KLHL24: variants seen among roughly 807,000 people sequenced by gnomAD.
KLHL24 encodes kelch-like protein 24.
Under a neutral mutation model 53.4 loss-of-function variants are expected in KLHL24, and 29 were observed. The ratio of observed to expected loss-of-function variants is 0.54; its 90% CI spans 0.40 to 0.74. KLHL24 has a LOEUF of 0.74. Among genes scored for constraint, KLHL24 ranks in the 30% least tolerant of loss-of-function variants. KLHL24 has a pLI of 0.00. For synonymous variants in KLHL24, 222 were observed against 253.7 expected (o/e 0.88, Z 1.19); for missense variants, 504 against 744.0 (o/e 0.68, Z 3.75).
At chr3:183,661,718 C>G (rs1003076355) in intron 3 of KLHL24, among the ~76,000 whole-genome samples, 1 of 152,022 alleles carries the variant, frequency 6.6e-6, no homozygotes, top group African/African-American at 2.4e-5. Flanking sequence ...GCTAAGAAGT[C>G]TTGAAAAAGG....
intron 3 of KLHL24, among the ~76,000 whole-genome samples, chr3:183,657,536 C>T (rs1719084396): frequency 1.3e-5 from 2 of 152,136 alleles, no homozygotes; most frequent in Admixed American, 1.3e-4. Flanking sequence ...TATATTTTTC[C>T]TTAAGAAATG....
chr3:183,676,143 C>T (rs909812793), intron 7 of KLHL24, among the ~76,000 whole-genome samples: 13 of 152,176 alleles, frequency 8.5e-5, no homozygotes, highest in African/African-American at 2.9e-4. Flanking sequence ...CTACTAAATA[C>T]ATCTATGCAC....
rs1285761780 is a variant in KLHL24, at chr3:183,651,288, G to A, written c.920+12G>A. The A allele has an allele frequency of 6.3e-7, 1 of 1,594,792 alleles. No individual in the cohort carries two copies. The highest frequency in any genetic ancestry group is 1.1e-5 in the South Asian group (1 of 89,072). ...ACTAGGCCACGCAGGTGAGAAGACT[G>A]TTTTCAAATATAGTTAACAAAAGTT... On this transcript the variant is annotated intron_variant, in intron 3 of 7. Coordinates refer to ENST00000242810, the MANE Select transcript of KLHL24 (RefSeq NM_017644.3).
chr3:183,658,568 A>G (rs1471299011), intron 3 of KLHL24, among the ~76,000 whole-genome samples: 1 of 152,116 alleles, frequency 6.6e-6, no homozygotes, highest in African/African-American at 2.4e-5. Context: ...ATACACTGTT[A>G]ATTTATAGTT....
chr3:183,660,854 G>A (rs1576937664), intron 3 of KLHL24, among the ~76,000 whole-genome samples: 1 of 151,636 alleles, frequency 6.6e-6, no homozygotes, highest in East Asian at 2.0e-4. Flanking sequence ...TCAGGAGATC[G>A]AAACCACGTG....
intron 5 of KLHL24, among the ~76,000 whole-genome samples, chr3:183,667,584 AT>A (rs1720751342): frequency 6.6e-6 from 1 of 151,864 alleles, no homozygotes; most frequent in South Asian, 2.1e-4. Context: ...TCCCCAAACC[AT>A]CCCATCCCCG....
At chr3:183,678,160 T>C (rs1400644093) in intron 7 of KLHL24, among the ~76,000 whole-genome samples, 1 of 152,252 alleles carries the variant, frequency 6.6e-6, no homozygotes, top group African/African-American at 2.4e-5. Context: ...AACTGTGTTA[T>C]TGACAGAGAA....
intron 5 of KLHL24, among the ~76,000 whole-genome samples, chr3:183,670,285 A>G (rs931991030): frequency 3.3e-5 from 5 of 152,118 alleles, no homozygotes; most frequent in African/African-American, 7.2e-5. Flanking sequence ...AAAGAGAGAG[A>G]GAGAAACGTG....
At chr3:183,657,326 A>G (rs1188127946) in intron 3 of KLHL24, among the ~76,000 whole-genome samples, 1 of 152,184 alleles carries the variant, frequency 6.6e-6, no homozygotes, top group African/African-American at 2.4e-5. Context: ...GCCAGACTCC[A>G]CTGAGCAACA....
intron 3 of KLHL24, among the ~76,000 whole-genome samples, chr3:183,654,386 C>T (rs1227426587): frequency 6.6e-6 from 1 of 152,066 alleles, no homozygotes; most frequent in African/African-American, 2.4e-5. Flanking sequence ...TTTTAATTAC[C>T]ATGCATGCTG....
At position 183,680,361 on chromosome 3, in the gene KLHL24, A is replaced by G. The variant is rs1235142013; in HGVS notation, c.*1075A>G. ...CCCAGTAGAGTTTGACCTCATTAGT[A>G]TGGTGCTTTGGGTGAGGACCTCTTC... On this transcript the variant is annotated 3_prime_UTR_variant, in exon 8 of 8. Coordinates refer to ENST00000242810, the MANE Select transcript of KLHL24 (RefSeq NM_017644.3). 2 of 152,194 alleles carry G rather than the reference A, an allele frequency of 1.3e-5. No individual in the cohort carries two copies. The highest frequency in any genetic ancestry group is 2.4e-5 in the African/African-American group (1 of 41,444). The allele number at this position is 152,194 out of a possible 1,614,324, so 9.4% of individuals were successfully genotyped here.
Position 183,681,728 on chromosome 3 carries a change from TA to T in KLHL24, c.*2445del, listed in dbSNP as rs1434347752. The T allele has an allele frequency of 6.6e-6, 1 of 152,428 alleles. No homozygotes were observed. The highest frequency in any genetic ancestry group is 1.5e-5 in the Non-Finnish European group (1 of 67,906). The allele number at this position is 152,428 out of a possible 1,614,324, so 9.4% of individuals were successfully genotyped here. ...TTTATCTTCCTTTACTAATTCTTGATAAATAATAGCATTAGACTTGATAAAA... is the reference window on the plus strand; with the variant it reads ...TTTATCTTCCTTTACTAATTCTTGATAATAATAGCATTAGACTTGATAAAA... On this transcript the variant is annotated 3_prime_UTR_variant, in exon 8 of 8. Transcript: ENST00000242810.
In KLHL24 at chr3:183,639,899, C is replaced by G. The variant is rs929907809; in HGVS notation, c.-124-3581C>G. Among the ~76,000 whole-genome samples, 8 of 152,022 alleles carry G rather than the reference C, an allele frequency of 5.3e-5. No homozygotes were observed. The East Asian group carries it at 1.6e-3, about 30-fold the overall frequency. On this transcript the variant is annotated intron_variant, in intron 1 of 7. Transcript: ENST00000242810. Reference sequence around the variant, plus strand: ...TATTAGCCTGGTGTGGTAGCACGCTCCTGTAATCCCAGCTACTCGGGAGGC... The same window carrying G: ...TATTAGCCTGGTGTGGTAGCACGCTGCTGTAATCCCAGCTACTCGGGAGGC...
At chr3:183,661,321 A>G (rs373973591) in intron 3 of KLHL24, among the ~76,000 whole-genome samples, 3 of 152,112 alleles carry the variant, frequency 2.0e-5, no homozygotes, top group African/African-American at 7.2e-5. Context: ...GGTGTCCAGA[A>G]TTTTATTTAT....
At chr3:183,656,568 A>C (rs977945260) in intron 3 of KLHL24, among the ~76,000 whole-genome samples, 2 of 152,222 alleles carry the variant, frequency 1.3e-5, no homozygotes, top group Non-Finnish European at 2.9e-5. Context: ...ATTTCATCTA[A>C]TAAATACTTG....
intron 3 of KLHL24, among the ~76,000 whole-genome samples, chr3:183,653,319 T>C (rs1475932329): frequency 6.6e-6 from 1 of 152,220 alleles, no homozygotes; most frequent in Admixed American, 6.5e-5. Context: ...CTTTCACTTA[T>C]CTGTTACTGC....
intron 3 of KLHL24, among the ~76,000 whole-genome samples, chr3:183,654,278 C>T (rs1400482348): frequency 1.3e-5 from 2 of 152,048 alleles, no homozygotes; most frequent in African/African-American, 4.8e-5. Flanking sequence ...ATGGTTCTTA[C>T]TCCTACATCT....
chr3:183,639,214 G>T (rs1715893662), intron 1 of KLHL24, among the ~76,000 whole-genome samples: 1 of 151,776 alleles, frequency 6.6e-6, no homozygotes, highest in African/African-American at 2.4e-5. Context: ...AAAAAAAGTG[G>T]GCTTTACTCT....
intron 1 of KLHL24, among the ~76,000 whole-genome samples, chr3:183,637,808 G>A (rs1345098820): frequency 2.0e-5 from 3 of 152,106 alleles, no homozygotes; most frequent in African/African-American, 7.2e-5. Context: ...ACAGGCGCCC[G>A]CCACCACGCC....
Sources: allele counts gnomAD v4.1 joint callset (sites outside exome capture counted in the v4.1 genomes callset), GRCh38; gene constraint gnomAD v4.1.1; transcripts MANE v1.5; gene names NCBI Gene and HGNC (gene_info 2026-07-23, HGNC 2026-07-21).